ARHGEF6: variants seen among roughly 807,000 people sequenced by gnomAD.
The protein encoded by ARHGEF6 is Rac/Cdc42 guanine nucleotide exchange factor 6.
A neutral mutation model predicts 70.3 loss-of-function variants in ARHGEF6; 9 were observed. That is an observed-to-expected ratio of 0.13 (90% CI 0.08 to 0.22). The LOEUF is 0.22. Among genes scored for constraint, ARHGEF6 ranks in the 10% least tolerant of loss-of-function variants. The pLI, the probability that ARHGEF6 is intolerant of heterozygous loss-of-function variation, is 1.00. For synonymous variants in ARHGEF6, 201 were observed against 207.8 expected (o/e 0.97, Z 0.28); for missense variants, 470 against 563.0 (o/e 0.83, Z 1.67).
In ARHGEF6 at chrX:136,780,929, G is replaced by T. The variant is rs1317189569; in HGVS notation, c.-47C>A. On this transcript the variant is annotated 5_prime_UTR_variant, in exon 1 of 22. Coordinates refer to ENST00000250617, the MANE Select transcript of ARHGEF6 (RefSeq NM_004840.3). ...AACAGCACTCTGGGGCAGCTGCAAG[G>T]ACTAAGCCACATCCGCGATTGCATC... 1.7e-6 allele frequency: 2 copies of T among 1,207,579 alleles called. No individual in the cohort carries two copies. The highest frequency in any genetic ancestry group is 2.2e-5 in the Admixed American group (1 of 45,476).
chrX:136,712,714 TA>T (rs1168683084), intron 7 of ARHGEF6, among the ~76,000 whole-genome samples: 26 of 112,829 alleles, frequency 2.3e-4, no homozygotes, highest in Admixed American at 2.2e-3. Context: ...ATTCAGGCTT[TA>T]CACAATCACT....
chrX:136,741,536 T>A (rs2077042343), intron 5 of ARHGEF6, among the ~76,000 whole-genome samples: 1 of 107,284 alleles, frequency 9.3e-6, no homozygotes, highest in Non-Finnish European at 1.9e-5. Context: ...TTTTTTTTTT[T>A]TTGTGTGTGT....
At chrX:136,710,970 C>T (rs2076678786) in intron 7 of ARHGEF6, among the ~76,000 whole-genome samples, 2 of 111,585 alleles carry the variant, frequency 1.8e-5, no homozygotes, top group African/African-American at 6.5e-5. Context: ...CTCCGCCCAG[C>T]CAGAATGGCC....
intron 9 of ARHGEF6, among the ~76,000 whole-genome samples, chrX:136,703,823 A>G (rs1488523846): frequency 8.8e-6 from 1 of 113,100 alleles, no homozygotes; most frequent in Non-Finnish European, 1.9e-5. Context: ...CGCCCAGCCA[A>G]TAAAGTATTC....
chrX:136,699,864 G>A (rs771313594), intron 9 of ARHGEF6, among the ~76,000 whole-genome samples: 2 of 110,822 alleles, frequency 1.8e-5, no homozygotes, highest in Non-Finnish European at 3.8e-5. Context: ...TAGGAGTGGG[G>A]GCGGGGTGGA....
chrX:136,688,484 G>A (rs909164322), intron 10 of ARHGEF6, among the ~76,000 whole-genome samples: 4 of 110,445 alleles, frequency 3.6e-5, no homozygotes, highest in Admixed American at 9.7e-5. Flanking sequence ...GGAAACAAGA[G>A]TCGTGGTTAG....
chrX:136,739,338 A>G (rs1240761338), intron 5 of ARHGEF6, among the ~76,000 whole-genome samples: 1 of 111,813 alleles, frequency 8.9e-6, no homozygotes. Flanking sequence ...TGTGCTACTT[A>G]CTGTGTCCTG....
intron 11 of ARHGEF6, 137 bp from the exon 12 acceptor site, chrX:136,685,960 G>A: frequency 6.0e-6 from 4 of 666,402 alleles, no homozygotes; most frequent in Non-Finnish European, 9.2e-6. Context: ...CATGACCCAG[G>A]CCTGTTCTTG....
At chrX:136,769,004 G>A (rs756893963) in intron 2 of ARHGEF6, among the ~76,000 whole-genome samples, 1 of 109,468 alleles carries the variant, frequency 9.1e-6, no homozygotes, top group Non-Finnish European at 1.9e-5. Context: ...GAGTAAGAGA[G>A]GGGGAAAGAG....
At chrX:136,727,955 A>G (rs923509392) in intron 6 of ARHGEF6, among the ~76,000 whole-genome samples, 5 of 111,280 alleles carry the variant, frequency 4.5e-5, no homozygotes, top group Non-Finnish European at 7.5e-5. Context: ...GGCTTACACT[A>G]TCATGTTTGA....
intron 19 of ARHGEF6, 97 bp from the exon 20 acceptor site, chrX:136,672,216 G>A (rs2076232351): frequency 2.9e-6 from 2 of 691,232 alleles, no homozygotes; most frequent in Admixed American, 4.5e-5. Flanking sequence ...GTTACAGAAG[G>A]GTCTTTGTTC....
intron 19 of ARHGEF6, among the ~76,000 whole-genome samples, chrX:136,673,426 T>A (rs183501140): frequency 1.7e-4 from 19 of 112,166 alleles, no homozygotes; most frequent in African/African-American, 6.2e-4. Flanking sequence ...TGCTAAATGA[T>A]CTGCTGTGTG....
At chrX:136,671,887 C>T in intron 20 of ARHGEF6, 133 bp downstream of exon 20, 1 of 566,148 alleles carries the variant, frequency 1.8e-6, no homozygotes, top group Non-Finnish European at 3.1e-6. Flanking sequence ...AATGCATGCA[C>T]AGCAAAGCAG....
intron 2 of ARHGEF6, among the ~76,000 whole-genome samples, chrX:136,752,942 T>C (rs2077167841): frequency 1.8e-5 from 2 of 112,046 alleles, no homozygotes; most frequent in African/African-American, 6.5e-5. Flanking sequence ...GAAATGTCAT[T>C]ACATAGTGCA....
chrX:136,765,343 G>A (rs897804207), intron 2 of ARHGEF6, among the ~76,000 whole-genome samples: 8 of 112,218 alleles, frequency 7.1e-5, no homozygotes, highest in Non-Finnish European at 1.9e-5. Context: ...TCTCCTGAAT[G>A]AGTTTCTTTG....
At chrX:136,715,841 C>G (rs186780160) in intron 6 of ARHGEF6, among the ~76,000 whole-genome samples, 1 of 112,384 alleles carries the variant, frequency 8.9e-6, no homozygotes, top group East Asian at 2.8e-4. Context: ...TTGAATATGC[C>G]AGAGCACTCT....
At chrX:136,733,904 T>A (rs1481900774) in intron 5 of ARHGEF6, among the ~76,000 whole-genome samples, 1 of 112,171 alleles carries the variant, frequency 8.9e-6, no homozygotes, top group Non-Finnish European at 1.9e-5. Context: ...GGGCAGGGGT[T>A]CCTGCTGGAG....
At chrX:136,673,822 T>C (rs1229427559) in intron 19 of ARHGEF6, among the ~76,000 whole-genome samples, 1 of 110,634 alleles carries the variant, frequency 9.0e-6, no homozygotes, top group Admixed American at 9.6e-5. Flanking sequence ...AATGCTTTCT[T>C]TCTCTCTCTC....
At chrX:136,753,998 T>C (rs2077179213) in intron 2 of ARHGEF6, among the ~76,000 whole-genome samples, 1 of 111,400 alleles carries the variant, frequency 9.0e-6, no homozygotes, top group Admixed American at 9.5e-5. Context: ...TCGAACCTCA[T>C]AGAATCTAGA....
Sources: allele counts gnomAD v4.1 joint callset (sites outside exome capture counted in the v4.1 genomes callset), GRCh38; gene constraint gnomAD v4.1.1; transcripts MANE v1.5; gene names NCBI Gene and HGNC (gene_info 2026-07-23, HGNC 2026-07-21).